Variants in C8orf34 observed in about 807,000 individuals in gnomAD.
C8orf34 encodes chromosome 8 open reading frame 34, also known as uncharacterized protein C8orf34.
C8orf34 carries 65 observed loss-of-function variants against 68.3 expected under a neutral mutation model. The ratio of observed to expected loss-of-function variants is 0.95; its 90% CI spans 0.78 to 1.17. The LOEUF is 1.17. C8orf34 is among the 50% of genes most tolerant of loss of function. The pLI, the probability that C8orf34 is intolerant of heterozygous loss-of-function variation, is 0.00. For missense variants in C8orf34, 664 were observed against 655.4 expected (o/e 1.01, Z -0.14); for synonymous variants, 244 against 241.2 (o/e 1.01, Z -0.11).
intron 10 of C8orf34, among the ~76,000 whole-genome samples, chr8:68,762,198 G>A (rs543707750): frequency 4.6e-5 from 7 of 152,220 alleles, no homozygotes; most frequent in East Asian, 1.9e-4. Context: ...GTGTCATCTC[G>A]GAGCTTCAAA....
In C8orf34 at chr8:68,331,155, C is replaced by G; in HGVS notation, c.143C>G (p.Pro48Arg). 6.5e-7 allele frequency: 1 copy of G among 1,528,954 alleles called. No homozygotes were observed. The highest frequency in any genetic ancestry group is 1.2e-5 in the South Asian group (1 of 83,668). The allele number at this position is 1,528,954 out of a possible 1,614,324, so 94.7% of individuals were successfully genotyped here. The change falls in exon 1 of 14, where the codon CCG becomes CGG. Residue 48 changes from proline (P) to arginine (R), a missense_variant. Coordinates refer to ENST00000518698, the MANE Select transcript of C8orf34 (RefSeq NM_052958.4). ...GGCCGAGCCAGCCACGCAGGGCAGC[C>G]GAGGCTCCGGAGCTCCTGTCCCGGC... ...GRGRASHAGQ[P>R]RLRSSCPGPS...
chr8:68,519,307 CT>C (rs1190309334), intron 5 of C8orf34, among the ~76,000 whole-genome samples: 1 of 152,104 alleles, frequency 6.6e-6, no homozygotes, highest in Non-Finnish European at 1.5e-5. Context: ...ACCTGTATTA[CT>C]TTTGGAAAGT....
At chr8:68,632,191 TGAG>T (rs1397540912) in intron 7 of C8orf34, among the ~76,000 whole-genome samples, 1 of 152,234 alleles carries the variant, frequency 6.6e-6, no homozygotes, top group Admixed American at 6.5e-5. Context: ...CAGATGGAGA[TGAG>T]GAACTTTTTG....
At chr8:68,360,761 T>A (rs1003933767) in intron 1 of C8orf34, among the ~76,000 whole-genome samples, 1 of 148,032 alleles carries the variant, frequency 6.8e-6, no homozygotes, top group South Asian at 2.1e-4. Flanking sequence ...CCTTTCTTTT[T>A]TTTTTTTTTT....
intron 1 of C8orf34, among the ~76,000 whole-genome samples, chr8:68,385,949 G>A (rs951274461): frequency 6.6e-6 from 1 of 152,128 alleles, no homozygotes; most frequent in African/African-American, 2.4e-5. Flanking sequence ...GCCCAGACTG[G>A]AGTGTAGTGG....
At position 68,676,669 on chromosome 8, in the gene C8orf34, T is replaced by C. The variant is rs542614212; in HGVS notation, c.1242-32325T>C. Reference sequence around the variant, plus strand: ...TAGACATATGTTAGGCCACAAAAAATCTATAAATTTTTAAAATATTGAAGT... The same window carrying C: ...TAGACATATGTTAGGCCACAAAAAACCTATAAATTTTTAAAATATTGAAGT... On this transcript the variant is annotated intron_variant, in intron 8 of 13. Transcript: ENST00000518698. Among the ~76,000 whole-genome samples, 30 of 152,186 alleles carry C rather than the reference T, an allele frequency of 2.0e-4. No homozygotes were observed. The South Asian group carries it at 5.0e-3, about 25-fold the overall frequency.
chr8:68,714,695 C>T (rs917809259), intron 9 of C8orf34, among the ~76,000 whole-genome samples: 2 of 152,136 alleles, frequency 1.3e-5, no homozygotes, highest in African/African-American at 4.8e-5. Context: ...AATGACCACA[C>T]TGCCAAAAGC....
chr8:68,416,545 ATTTAGAGACGAAGTC>A (rs2129622853), intron 1 of C8orf34, among the ~76,000 whole-genome samples: 1 of 151,506 alleles, frequency 6.6e-6, no homozygotes, highest in South Asian at 2.1e-4. Context: ...TTATTTATTT[ATTTAGAGACGAAGTC>A]TCTCTCTTTT....
chr8:68,475,092 C>T (rs192976251), intron 4 of C8orf34, among the ~76,000 whole-genome samples: 47 of 152,258 alleles, frequency 3.1e-4, no homozygotes, highest in African/African-American at 5.1e-4. Flanking sequence ...CGCACTCCCT[C>T]GAGGTTCCCC....
intron 2 of C8orf34, among the ~76,000 whole-genome samples, chr8:68,442,161 G>A (rs924719392): frequency 5.9e-4 from 90 of 152,034 alleles, no homozygotes; most frequent in African/African-American, 2.1e-3. Context: ...TTTATTATGT[G>A]GTGAGGATAT....
chr8:68,739,056 T>C (rs893152707), intron 10 of C8orf34, among the ~76,000 whole-genome samples: 1 of 152,140 alleles, frequency 6.6e-6, no homozygotes, highest in Non-Finnish European at 1.5e-5. Context: ...AACAAAATAC[T>C]GGCAAACTGA....
intron 10 of C8orf34, among the ~76,000 whole-genome samples, chr8:68,768,013 C>T (rs1166229400): frequency 1.3e-5 from 2 of 152,094 alleles, no homozygotes; most frequent in Non-Finnish European, 2.9e-5. Flanking sequence ...AGGGTACTTG[C>T]TTGATTTGTC....
At chr8:68,660,910 A>G (rs905544983) in intron 8 of C8orf34, among the ~76,000 whole-genome samples, 24 of 152,066 alleles carry the variant, frequency 1.6e-4, no homozygotes, top group Admixed American at 3.3e-4. Context: ...AGGGGGGGGA[A>G]AAACAACAGC....
chr8:68,798,169 A>T (rs974978599), intron 12 of C8orf34, among the ~76,000 whole-genome samples: 1 of 150,748 alleles, frequency 6.6e-6, no homozygotes, highest in Non-Finnish European at 1.5e-5. Context: ...TTAGCTTTTA[A>T]ATAGAGACAA....
At chr8:68,756,919 TAGTTAAACAC>T (rs1411370912) in intron 10 of C8orf34, among the ~76,000 whole-genome samples, 2 of 152,192 alleles carry the variant, frequency 1.3e-5, no homozygotes, top group East Asian at 3.9e-4. Context: ...AACTCTTATT[TAGTTAAACAC>T]AGTTGACAGA....
chr8:68,577,226 C>G (rs899533764), intron 7 of C8orf34, among the ~76,000 whole-genome samples: 1 of 151,968 alleles, frequency 6.6e-6, no homozygotes, highest in Non-Finnish European at 1.5e-5. Flanking sequence ...CACCCAAACA[C>G]ATTGAACCAA....
intron 3 of C8orf34, among the ~76,000 whole-genome samples, chr8:68,451,788 A>G (rs1430005788): frequency 6.6e-6 from 1 of 152,116 alleles, no homozygotes; most frequent in African/African-American, 2.4e-5. Flanking sequence ...CCAAAATATT[A>G]CACAGAGGCA....
chr8:68,756,497 G>A (rs574267685), intron 10 of C8orf34, among the ~76,000 whole-genome samples: 3 of 152,102 alleles, frequency 2.0e-5, no homozygotes, highest in Non-Finnish European at 2.9e-5. Context: ...CTGAAGTAAC[G>A]GGTAGGGGGT....
At chr8:68,528,419 T>A (rs1028121168) in intron 6 of C8orf34, among the ~76,000 whole-genome samples, 1 of 152,370 alleles carries the variant, frequency 6.6e-6, no homozygotes, top group Non-Finnish European at 1.5e-5. Context: ...TTTTCTTGTT[T>A]CTCACCCACC....
Sources: allele counts gnomAD v4.1 joint callset (sites outside exome capture counted in the v4.1 genomes callset), GRCh38; gene constraint gnomAD v4.1.1; transcripts MANE v1.5; gene names NCBI Gene and HGNC (gene_info 2026-07-23, HGNC 2026-07-21).